Variants in SDCCAG8 observed in about 807,000 individuals in gnomAD.
SDCCAG8 encodes serologically defined colon cancer antigen 8.
A neutral mutation model predicts 101.8 loss-of-function variants in SDCCAG8; 74 were observed. The ratio of observed to expected loss-of-function variants is 0.73; its 90% CI spans 0.60 to 0.88. The LOEUF (loss-of-function observed/expected upper bound fraction) is 0.88, where lower values mean the gene tolerates loss of function less well. Among genes scored for constraint, SDCCAG8 ranks in the 40% least tolerant of loss-of-function variants. The pLI is 0.00. For missense variants in SDCCAG8, 787 were observed against 822.6 expected (o/e 0.96, Z 0.53); for synonymous variants, 281 against 292.9 (o/e 0.96, Z 0.41).
rs760565857 is a variant in SDCCAG8, at chr1:243,293,178, G to C, written c.634G>C (p.Asp212His). Residue 212 changes from aspartate (D) to histidine (H), a missense_variant, in exon 6 of 18, where the codon GAT becomes CAT. By Grantham distance (81) the Asp-to-His change is moderately conservative (BLOSUM62 -1). Transcript: ENST00000366541. ...SKRPFSHDNADFGKAASAGEQ... is the reference protein window; with the variant it reads ...SKRPFSHDNAHFGKAASAGEQ... ...AAGACCATTTTCCCATGACAATGCA[G>C]ATTTTGGCAAAGCTGCATCTGCTGG... The C allele has an allele frequency of 4.3e-6, 7 of 1,614,164 alleles. No homozygotes were observed. Among genetic ancestry groups the C allele is most frequent in the Non-Finnish European group, 5.9e-6 (7 of 1,180,008 alleles).
At chr1:243,336,845 G>A (rs532168043) in intron 10 of SDCCAG8, among the ~76,000 whole-genome samples, 3 of 152,232 alleles carry the variant, frequency 2.0e-5, no homozygotes, top group South Asian at 2.1e-4. Flanking sequence ...TTTTAATGGG[G>A]TTGTTTTCTG....
intron 17 of SDCCAG8, among the ~76,000 whole-genome samples, chr1:243,491,974 G>A (rs1312191088): frequency 6.6e-6 from 1 of 152,192 alleles, no homozygotes; most frequent in Admixed American, 6.5e-5. Flanking sequence ...GTCGGGCAAT[G>A]GTTCCAAAGC....
At chr1:243,315,949 A>G (rs142385486) in intron 8 of SDCCAG8, among the ~76,000 whole-genome samples, 38 of 152,324 alleles carry the variant, frequency 2.5e-4, no homozygotes, top group Non-Finnish European at 4.6e-4. Context: ...GGATATTTTT[A>G]TTCAGTTGAT....
At chr1:243,394,090 G>C (rs1025746815) in intron 13 of SDCCAG8, among the ~76,000 whole-genome samples, 2 of 152,156 alleles carry the variant, frequency 1.3e-5, no homozygotes, top group African/African-American at 4.8e-5. Flanking sequence ...GTATTAAAAC[G>C]ACGACTTTAA....
rs139583799 is a variant in SDCCAG8 at position 243,485,638 on chromosome 1, G to T, written c.1986-3376G>T. Among the ~76,000 whole-genome samples the T allele has an allele frequency of 1.2e-4, 18 of 152,324 alleles. No homozygotes were observed. In the East Asian group the frequency reaches 2.9e-3, roughly 24 times the overall value. On this transcript the variant is annotated intron_variant, in intron 16 of 17. Coordinates refer to ENST00000366541, the MANE Select transcript of SDCCAG8 (RefSeq NM_006642.5). ...CAAAAAATCTCAGCCAGGCGCGGTG[G>T]CTCATGCCTGTAATCCCAGCACTTT...
intron 1 of SDCCAG8, 73 bp from the exon 2 acceptor site, chr1:243,270,032 G>A (rs1441335600): frequency 6.2e-7 from 1 of 1,606,250 alleles, no homozygotes; most frequent in Non-Finnish European, 8.5e-7. Context: ...TTTAAAAACT[G>A]CCTTCCTGAG....
chr1:243,486,792 G>A (rs1363510729), intron 16 of SDCCAG8, among the ~76,000 whole-genome samples: 4 of 152,228 alleles, frequency 2.6e-5, no homozygotes, highest in African/African-American at 4.8e-5. Context: ...ATGGCTGCTC[G>A]TGGCACCTTC....
intron 12 of SDCCAG8, among the ~76,000 whole-genome samples, chr1:243,347,061 C>T (rs2075759258): frequency 6.6e-6 from 1 of 152,140 alleles, no homozygotes; most frequent in South Asian, 2.1e-4. Context: ...TGCCAGTCCT[C>T]CTCCTCAATC....
intron 1 of SDCCAG8, chr1:243,268,007 T>G: frequency 3.8e-6 from 3 of 779,422 alleles, no homozygotes; most frequent in Non-Finnish European, 7.2e-6. Context: ...GCTGGGATCC[T>G]TCTTTTCTTT....
At chr1:243,460,558 A>T (rs1175330542) in intron 16 of SDCCAG8, among the ~76,000 whole-genome samples, 1 of 152,226 alleles carries the variant, frequency 6.6e-6, no homozygotes, top group Admixed American at 6.5e-5. Flanking sequence ...TTAAAAATGG[A>T]TAAAGATGAT....
intron 13 of SDCCAG8, among the ~76,000 whole-genome samples, chr1:243,382,131 G>C (rs2077996286): frequency 6.6e-6 from 1 of 152,194 alleles, no homozygotes; most frequent in Non-Finnish European, 1.5e-5. Context: ...GATAAGACTG[G>C]AAAGGGGAGC....
At chr1:243,439,121 C>G (rs1166523947) in intron 16 of SDCCAG8, among the ~76,000 whole-genome samples, 1 of 152,094 alleles carries the variant, frequency 6.6e-6, no homozygotes, top group Non-Finnish European at 1.5e-5. Context: ...TAATGTGTTA[C>G]AATACTGGTG....
Position 243,275,907 on chromosome 1 carries a change from A to G in SDCCAG8, c.420+1251A>G, listed in dbSNP as rs193233701. Among the ~76,000 whole-genome samples the G allele has an allele frequency of 3.1e-4, 38 of 122,536 alleles. 1 individual carries two copies. The highest frequency in any genetic ancestry group is 1.6e-4 in the African/African-American group (5 of 31,206). 80.4% of individuals were successfully genotyped at this position (122,536 alleles called of 152,430 possible). On this transcript the variant is annotated intron_variant, in intron 4 of 17. Transcript: ENST00000366541. ...TTTGATGGAGTCTCGCATTGTCGCC[A>G]GACTGGAGTGCGGTGTCACAGTCTC...
chr1:243,318,880 G>C (rs1211313547), intron 9 of SDCCAG8, among the ~76,000 whole-genome samples: 1 of 152,184 alleles, frequency 6.6e-6, no homozygotes, highest in Non-Finnish European at 1.5e-5. Flanking sequence ...TTGAAATTAA[G>C]CTACCGCTCT....
At chr1:243,314,267 G>T (rs954601216) in intron 8 of SDCCAG8, among the ~76,000 whole-genome samples, 2 of 152,138 alleles carry the variant, frequency 1.3e-5, no homozygotes, top group African/African-American at 2.4e-5. Context: ...GAGTGTAATC[G>T]TTTTGTGGTC....
At chr1:243,299,554 C>CA (rs1398990441) in intron 6 of SDCCAG8, among the ~76,000 whole-genome samples, 1 of 151,810 alleles carries the variant, frequency 6.6e-6, no homozygotes, top group Non-Finnish European at 1.5e-5. Context: ...GCTGGGATTA[C>CA]AGGCACATGC....
intron 13 of SDCCAG8, among the ~76,000 whole-genome samples, chr1:243,405,741 A>G (rs944051052): frequency 3.3e-5 from 5 of 152,134 alleles, no homozygotes; most frequent in Non-Finnish European, 7.4e-5. Flanking sequence ...ACATATTCTC[A>G]ACATTCTAGA....
At chr1:243,317,842 G>A (rs996925298) in intron 9 of SDCCAG8, among the ~76,000 whole-genome samples, 4 of 152,168 alleles carry the variant, frequency 2.6e-5, no homozygotes, top group East Asian at 1.9e-4. Context: ...TAATGGCCAC[G>A]TGTAGCAAAT....
At chr1:243,415,932 G>C in intron 14 of SDCCAG8, 103 bp downstream of exon 14, 4 of 1,355,502 alleles carry the variant, frequency 3.0e-6, no homozygotes, top group Non-Finnish European at 4.1e-6. Flanking sequence ...TTGGCTGGCC[G>C]AAGGGAGCAG....
Sources: allele counts gnomAD v4.1 joint callset (sites outside exome capture counted in the v4.1 genomes callset), GRCh38; gene constraint gnomAD v4.1.1; transcripts MANE v1.5; gene names NCBI Gene and HGNC (gene_info 2026-07-23, HGNC 2026-07-21).